The following XKRX variants were observed in gnomAD, a reference collection of about 807,000 sequenced individuals.
XKRX encodes XK-related protein 2.
A neutral mutation model predicts 22.4 loss-of-function variants in XKRX; 11 were observed. The observed-to-expected ratio is 0.49, with a 90% confidence interval of 0.31 to 0.81. The LOEUF is 0.81. Ranked by LOEUF, XKRX falls within the 40% of genes least tolerant of loss-of-function variation. XKRX has a pLI of 0.05. For missense variants in XKRX, 320 were observed against 336.5 expected (o/e 0.95, Z 0.38); for synonymous variants, 114 against 132.2 (o/e 0.86, Z 0.94).
the XKRX span, among the ~76,000 whole-genome samples, chrX:100,889,415 T>A: frequency 2.7e-5 from 3 of 109,603 alleles, no homozygotes; most frequent in Non-Finnish European, 5.7e-5. Context: ...TTTTTAAATT[T>A]TTTCAGAGAC....
chrX:100,957,004 T>C, the XKRX span: 3 of 1,084,572 alleles, frequency 2.8e-6, no homozygotes, highest in East Asian at 9.0e-5. Context: ...TTTATGTTTT[T>C]CTGTGATGTT....
chrX:100,913,440 C>T (rs1421402012), downstream of XKRX: 1 of 109,464 alleles, frequency 9.1e-6, no homozygotes, highest in African/African-American at 3.3e-5. Context: ...CTCAGGACAA[C>T]AGCAGACACA....
chrX:100,908,260 G>A, the XKRX span, among the ~76,000 whole-genome samples: 1 of 109,863 alleles, frequency 9.1e-6, no homozygotes, highest in African/African-American at 3.3e-5. Flanking sequence ...GTGAGTACAG[G>A]TGCGTGCCAC....
At chrX:100,934,958 A>C in the XKRX span, among the ~76,000 whole-genome samples, 2,870 of 109,628 alleles carry the variant, frequency 0.026, 82 homozygotes, top group African/African-American at 0.09. Flanking sequence ...TGACTGAGAG[A>C]GAGTGTGTGT....
the XKRX span, among the ~76,000 whole-genome samples, chrX:100,953,302 AAAC>A: frequency 9.1e-6 from 1 of 109,612 alleles, no homozygotes; most frequent in African/African-American, 3.4e-5. Context: ...AACAAAAACA[AAAC>A]AAACAAACAA....
chrX:100,941,988 C>T, the XKRX span, among the ~76,000 whole-genome samples: 39 of 110,038 alleles, frequency 3.5e-4, no homozygotes, highest in East Asian at 2.6e-3. Context: ...GCTGGGATTA[C>T]AGGCACACAC....
At position 100,914,162 on chromosome X, in the gene XKRX, G is replaced by T. The variant is rs755338719; in HGVS notation, c.*176C>A. ...ATACCCCCTGTTTCCAAACATAGTG[G>T]TAACTCTTAAGAAAATAAAACCTAT... On this transcript the variant is annotated 3_prime_UTR_variant, in exon 3 of 3. Transcript: ENST00000372956. 6.3e-5 allele frequency: 34 copies of T among 540,561 alleles called. No homozygotes were observed. The highest frequency in any genetic ancestry group is 1.0e-4 in the Non-Finnish European group (33 of 331,208). 44.5% of individuals were successfully genotyped at this position (540,561 alleles called of 1,213,427 possible).
intron 2 of XKRX, among the ~76,000 whole-genome samples, chrX:100,916,846 CG>C (rs768854603): frequency 6.2e-5 from 7 of 112,477 alleles, no homozygotes; most frequent in Non-Finnish European, 1.1e-4. Flanking sequence ...AGGCTGGGCG[CG>C]GTGACTCATG....
chrX:100,931,611 G>A (rs1357825291), upstream of XKRX, among the ~76,000 whole-genome samples: 2 of 111,350 alleles, frequency 1.8e-5, no homozygotes, highest in African/African-American at 3.3e-5. Flanking sequence ...TCTCATACTA[G>A]TCCTTCAACT....
chrX:100,910,901 A>G (rs2085404786), downstream of XKRX: 1 of 613,189 alleles, frequency 1.6e-6, no homozygotes. Flanking sequence ...GAAAAAGACT[A>G]TCAAGATGCA....
In XKRX at chrX:100,928,462, G is replaced by A; in HGVS notation, c.-158C>T. 3 of 1,125,162 alleles carry A rather than the reference G, an allele frequency of 2.7e-6. No homozygotes were observed. Among genetic ancestry groups the A allele is most frequent in the Non-Finnish European group, 1.2e-6 (1 of 858,156 alleles). 92.7% of individuals were successfully genotyped at this position (1,125,162 alleles called of 1,213,427 possible). On this transcript the variant is annotated 5_prime_UTR_variant, in exon 1 of 3. Transcript: ENST00000372956. The stretch of plus-strand genomic sequence containing the variant: ...GATTCACTAGTTAGAGCAAGAAACC[G>A]CTCTCTTCTAGACTCAGATTCGACT...
chrX:100,947,650 A>G, the XKRX span, among the ~76,000 whole-genome samples: 1 of 112,132 alleles, frequency 8.9e-6, no homozygotes, highest in Non-Finnish European at 1.9e-5. Context: ...CTTATGTGGA[A>G]ATCTACAGGC....
upstream of XKRX, among the ~76,000 whole-genome samples, chrX:100,933,926 G>A (rs2085528446): frequency 9.0e-6 from 1 of 111,258 alleles, no homozygotes; most frequent in African/African-American, 3.3e-5. Context: ...CATTTAAAGT[G>A]TACAATTTAG....
the XKRX span, among the ~76,000 whole-genome samples, chrX:100,936,540 C>CAAAAAAAAAAAAAAAAA: frequency 3.9e-5 from 1 of 25,397 alleles, no homozygotes; most frequent in Admixed American, 1.0e-3. Flanking sequence ...GACTCTGTCT[C>CAAAAAAAAAAAAAAAAA]AAAAAAAAAA....
At chrX:100,917,959 G>GT (rs1410707257) in intron 2 of XKRX, among the ~76,000 whole-genome samples, 1 of 111,478 alleles carries the variant, frequency 9.0e-6, no homozygotes, top group Admixed American at 9.5e-5. Context: ...TGGCCCTAAA[G>GT]AGCCAGGATG....
chrX:100,957,976 T>G, the XKRX span, among the ~76,000 whole-genome samples: 1 of 111,466 alleles, frequency 9.0e-6, no homozygotes, highest in African/African-American at 3.3e-5. Context: ...TGCCCACCCC[T>G]GAGTCAGCGT....
chrX:100,890,213 T>C, the XKRX span, among the ~76,000 whole-genome samples: 6 of 110,752 alleles, frequency 5.4e-5, no homozygotes, highest in Non-Finnish European at 1.1e-4. Context: ...CTCGTTGTTT[T>C]TGGTAGATTT....
chrX:100,957,842 G>A, the XKRX span, among the ~76,000 whole-genome samples: 3,468 of 111,586 alleles, frequency 0.031, 39 homozygotes, highest in South Asian at 0.07. Flanking sequence ...GGATTGCATG[G>A]TGTCCTGATT....
the XKRX span, chrX:100,888,427 C>T: frequency 1.0e-6 from 1 of 990,861 alleles, no homozygotes; most frequent in East Asian, 3.1e-5. Context: ...ACCCAAAGCC[C>T]CTGGAGCGCT....
Sources: gnomAD v4.1 joint callset for allele counts (sites outside exome capture counted in the v4.1 genomes callset) on GRCh38, gnomAD v4.1.1 for gene constraint, MANE v1.5 for transcripts, NCBI Gene and HGNC (gene_info 2026-07-23, HGNC 2026-07-21) for gene names.